EPHB2: variants seen among roughly 807,000 people sequenced by gnomAD.
EPHB2 encodes the protein ephrin type-B receptor 2.
EPHB2 carries 18 observed loss-of-function variants against 96.4 expected under a neutral mutation model. That is an observed-to-expected ratio of 0.19 (90% CI 0.13 to 0.28). The LOEUF is 0.28. Ranked by LOEUF, EPHB2 falls within the 10% of genes least tolerant of loss-of-function variation. The pLI, the probability that EPHB2 is intolerant of heterozygous loss-of-function variation, is 1.00. For synonymous variants in EPHB2, 506 were observed against 534.1 expected (o/e 0.95, Z 0.72); for missense variants, 989 against 1,355.4 (o/e 0.73, Z 4.25).
intron 3 of EPHB2, among the ~76,000 whole-genome samples, chr1:22,862,645 C>A (rs540976093): frequency 6.6e-6 from 1 of 152,266 alleles, no homozygotes; most frequent in South Asian, 2.1e-4. Context: ...GTCTGTAACC[C>A]AAGGATCTAG....
intron 1 of EPHB2, among the ~76,000 whole-genome samples, chr1:22,720,065 G>C (rs1643415093): frequency 6.6e-6 from 1 of 152,174 alleles, no homozygotes; most frequent in South Asian, 2.1e-4. Context: ...AAGGCTGGAA[G>C]GCTGGTCCCC....
At chr1:22,767,800 C>T (rs1292905678) in intron 1 of EPHB2, among the ~76,000 whole-genome samples, 1 of 152,210 alleles carries the variant, frequency 6.6e-6, no homozygotes, top group East Asian at 1.9e-4. Flanking sequence ...GAAGCTGGCT[C>T]TTTAGCTGGC....
intron 1 of EPHB2, among the ~76,000 whole-genome samples, chr1:22,768,104 T>A (rs956841966): frequency 6.6e-6 from 1 of 152,132 alleles, no homozygotes; most frequent in African/African-American, 2.4e-5. Context: ...AGCCAAGCGT[T>A]ACTGTGGGAG....
intron 3 of EPHB2, among the ~76,000 whole-genome samples, chr1:22,854,064 G>T (rs184333948): frequency 1.3e-5 from 2 of 152,342 alleles, no homozygotes; most frequent in South Asian, 2.1e-4. Flanking sequence ...GTCCCAGTGG[G>T]AGCTACCGGC....
chr1:22,835,398 A>T (rs967603890), intron 3 of EPHB2, among the ~76,000 whole-genome samples: 1 of 152,208 alleles, frequency 6.6e-6, no homozygotes, highest in African/African-American at 2.4e-5. Context: ...AAGAGTACCC[A>T]TTTTGAAAGA....
chr1:22,775,857 T>C (rs1261051232), intron 1 of EPHB2, among the ~76,000 whole-genome samples: 1 of 152,226 alleles, frequency 6.6e-6, no homozygotes, highest in Non-Finnish European at 1.5e-5. Context: ...TAAGAATCTG[T>C]GTAGCCTCTT....
intron 1 of EPHB2, among the ~76,000 whole-genome samples, chr1:22,731,854 A>G (rs2148352734): frequency 6.6e-6 from 1 of 152,314 alleles, no homozygotes. Flanking sequence ...AAAACAAAAC[A>G]ACAACAACAA....
In EPHB2 at chr1:22,913,996, G is replaced by C. The variant is rs1640198970; in HGVS notation, c.*426G>C. ...CTTTCAGAAAAACAAATGTGAAGGG[G>C]AGAGACAGGGGCCGCCCTTGGCTCC... On this transcript the variant is annotated 3_prime_UTR_variant, in exon 16 of 16. Transcript: ENST00000374630. The surrounding 1 kb of genome is among the most constrained non-coding windows in gnomAD (Gnocchi z 4.1). The C allele has an allele frequency of 1.3e-5, 17 of 1,311,316 alleles. No individual in the cohort carries two copies. Among genetic ancestry groups the C allele is most frequent in the Non-Finnish European group, 1.6e-5 (16 of 976,732 alleles). The allele number at this position is 1,311,316 out of a possible 1,614,324, so 81.2% of individuals were successfully genotyped here. A position where few individuals can be genotyped will look rare whatever the true frequency, so the allele number is the denominator to read the frequency against.
intron 3 of EPHB2, among the ~76,000 whole-genome samples, chr1:22,814,904 T>C (rs777579439): frequency 3.9e-5 from 6 of 152,204 alleles, no homozygotes; most frequent in Middle Eastern, 3.4e-3. Context: ...CCTTTATGAG[T>C]GTTCTTCAAA....
intron 3 of EPHB2, among the ~76,000 whole-genome samples, chr1:22,795,867 G>A (rs2582016): frequency 0.15 from 22,713 of 152,052 alleles, 1,792 homozygotes; most frequent in African/African-American, 0.18. Flanking sequence ...CCCCCCGCCG[G>A]GGGAGGTTTT....
intron 3 of EPHB2, among the ~76,000 whole-genome samples, chr1:22,844,506 A>G (rs1645513696): frequency 2.0e-5 from 3 of 152,254 alleles, no homozygotes; most frequent in Admixed American, 6.5e-5. Context: ...GAGCCTGTCC[A>G]GTTTGACAGC....
intron 3 of EPHB2, among the ~76,000 whole-genome samples, chr1:22,815,220 C>T (rs900231758): frequency 2.0e-5 from 3 of 152,146 alleles, no homozygotes; most frequent in Admixed American, 6.5e-5. Flanking sequence ...CTTCCCTTAG[C>T]CCGCCGCCCT....
chr1:22,715,633 C>T (rs1643273099), intron 1 of EPHB2, among the ~76,000 whole-genome samples: 1 of 152,340 alleles, frequency 6.6e-6, no homozygotes, highest in African/African-American at 2.4e-5. Flanking sequence ...GTTGTAGAAT[C>T]AGAAAGCCAG....
At chr1:22,827,128 C>T (rs752168744) in intron 3 of EPHB2, among the ~76,000 whole-genome samples, 1 of 152,216 alleles carries the variant, frequency 6.6e-6, no homozygotes, top group Non-Finnish European at 1.5e-5. Context: ...TCACCTTTCT[C>T]GATTCCCCTC....
intron 1 of EPHB2, among the ~76,000 whole-genome samples, chr1:22,754,804 T>G (rs1570216883): frequency 1.1e-5 from 1 of 93,698 alleles, no homozygotes; most frequent in African/African-American, 4.0e-5. Context: ...ACAGGGGAGG[T>G]GAGAGGCAGG....
At chr1:22,840,864 C>A (rs923284067) in intron 3 of EPHB2, among the ~76,000 whole-genome samples, 2 of 152,212 alleles carry the variant, frequency 1.3e-5, no homozygotes, top group Non-Finnish European at 2.9e-5. Flanking sequence ...ATCCCCACAA[C>A]AACCCCCTGT....
At chr1:22,905,400 T>C (rs1032685174) in intron 9 of EPHB2, among the ~76,000 whole-genome samples, 2 of 151,962 alleles carry the variant, frequency 1.3e-5, no homozygotes, top group Non-Finnish European at 2.9e-5. Flanking sequence ...CAGTCCCTGG[T>C]GAGTGGGGCG....
intron 3 of EPHB2, among the ~76,000 whole-genome samples, chr1:22,831,644 T>C (rs11808976): frequency 0.031 from 4,737 of 152,066 alleles, 229 homozygotes; most frequent in African/African-American, 0.11. Context: ...CTTAACACCA[T>C]GCCACACTGT....
intron 5 of EPHB2, among the ~76,000 whole-genome samples, chr1:22,865,821 C>T (rs1638454300): frequency 6.6e-6 from 1 of 152,210 alleles, no homozygotes; most frequent in Non-Finnish European, 1.5e-5. Context: ...ACCTCCATCA[C>T]AAGTGCTTTC....
Sources: gnomAD v4.1 joint callset for allele counts (sites outside exome capture counted in the v4.1 genomes callset) on GRCh38, gnomAD v4.1.1 for gene constraint, Gnocchi (gnomAD v3.1) non-coding constraint, MANE v1.5 for transcripts, NCBI Gene and HGNC (gene_info 2026-07-23, HGNC 2026-07-21) for gene names.